Variants in CUX2 observed in about 807,000 individuals in gnomAD.
The protein encoded by CUX2 is cut like homeobox 2, also known as homeobox protein cut-like 2.
CUX2 carries 40 observed loss-of-function variants against 144.8 expected under a neutral mutation model. The ratio of observed to expected loss-of-function variants is 0.28; its 90% CI spans 0.21 to 0.36. CUX2 has a LOEUF of 0.36. Among genes scored for constraint, CUX2 ranks in the 10% least tolerant of loss-of-function variants. CUX2 has a pLI of 1.00. For synonymous variants in CUX2, 827 were observed against 875.6 expected (o/e 0.94, Z 0.98); for missense variants, 1,615 against 1,994.0 (o/e 0.81, Z 3.62).
intron 1 of CUX2, among the ~76,000 whole-genome samples, chr12:111,080,060 C>T (rs561164502): frequency 6.6e-5 from 10 of 152,296 alleles, no homozygotes; most frequent in Non-Finnish European, 1.0e-4. Context: ...ATCTGTAAAA[C>T]GGGGATGATG....
chr12:111,299,607 C>T (rs111228424), intron 9 of CUX2, among the ~76,000 whole-genome samples: 3 of 152,296 alleles, frequency 2.0e-5, no homozygotes, highest in African/African-American at 4.8e-5. Context: ...TGGTGGTAAC[C>T]GCAGTGGCTT....
At chr12:111,204,403 C>T (rs1880789022) in intron 1 of CUX2, among the ~76,000 whole-genome samples, 1 of 152,190 alleles carries the variant, frequency 6.6e-6, no homozygotes, top group African/African-American at 2.4e-5. Flanking sequence ...CCTGGTAACA[C>T]TGTAGGCACA....
At chr12:111,067,716 A>C (rs1319739110) in intron 1 of CUX2, among the ~76,000 whole-genome samples, 1 of 152,198 alleles carries the variant, frequency 6.6e-6, no homozygotes, top group Non-Finnish European at 1.5e-5. Context: ...CCTGGTGTTG[A>C]TAGGCGGGTC....
chr12:111,286,329 T>C (rs1003720544), intron 4 of CUX2, among the ~76,000 whole-genome samples: 2 of 152,114 alleles, frequency 1.3e-5, no homozygotes, highest in Non-Finnish European at 2.9e-5. Context: ...ATTTTACAGA[T>C]GAGGAAACAG....
chr12:111,288,477 CTT>C (rs964144808), intron 4 of CUX2, among the ~76,000 whole-genome samples: 5 of 151,984 alleles, frequency 3.3e-5, no homozygotes, highest in African/African-American at 1.2e-4. Context: ...GGTCCACACT[CTT>C]GATCCCTCTG....
Position 111,094,552 on chromosome 12 carries a change from C to T in CUX2, c.63+60312C>T, listed in dbSNP as rs146960416. ...CTTGCTCGGTTGCCCAGGCTAAGAG[C>T]AGTGGTGCAGTCCCAGCTCACTGCA... is the stretch of plus-strand genomic sequence containing the variant. On this transcript the variant is annotated intron_variant, in intron 1 of 21. Transcript: ENST00000261726. 9.2e-5 allele frequency among the ~76,000 whole-genome samples: 14 copies of T among 152,310 alleles called. No individual in the cohort carries two copies. The East Asian group carries it at 2.5e-3, about 27-fold the overall frequency.
intron 3 of CUX2, among the ~76,000 whole-genome samples, chr12:111,250,539 GT>G (rs1409100463): frequency 1.3e-5 from 2 of 152,218 alleles, no homozygotes; most frequent in Non-Finnish European, 2.9e-5. Flanking sequence ...ATTATAATCA[GT>G]TAGGCAGAAA....
rs974592105 is a variant in CUX2, at chr12:111,037,783, T to C, written c.63+3543T>C. Among the ~76,000 whole-genome samples the C allele has an allele frequency of 6.8e-6, 1 of 146,726 alleles. No individual in the cohort carries two copies. Among genetic ancestry groups the C allele is most frequent in the Non-Finnish European group, 1.5e-5 (1 of 66,082 alleles). On this transcript the variant is annotated intron_variant, in intron 1 of 21. Coordinates refer to ENST00000261726, the MANE Select transcript of CUX2 (RefSeq NM_015267.4). The surrounding 1 kb of genome is among the most constrained non-coding windows in gnomAD (Gnocchi z 5.4). ...TTTCTTTTTCTGCTTAACTTTCTAC[T>C]TTTTTTTTTTACCATGCTCTGGGTC...
rs1339577743 is a variant in CUX2, at chr12:111,287,359, G to T, written c.302-4059G>T. Among the ~76,000 whole-genome samples the T allele has an allele frequency of 6.6e-6, 1 of 152,354 alleles. No homozygotes were observed. The highest frequency in any genetic ancestry group is 1.9e-4 in the East Asian group (1 of 5,190). ...GGCCCTGCGCAGTCCGCGTGGCACC[G>T]CACCGTCTTGTGTTTGTCTAACTTC... is the stretch of plus-strand genomic sequence containing the variant. On this transcript the variant is annotated intron_variant, in intron 4 of 21. Transcript: ENST00000261726. This position sits in a 1 kb window ranked among gnomAD's most constrained non-coding sequence, Gnocchi z 4.2.
At chr12:111,123,111 G>C (rs2136099133) in intron 1 of CUX2, among the ~76,000 whole-genome samples, 1 of 152,310 alleles carries the variant, frequency 6.6e-6, no homozygotes, top group East Asian at 1.9e-4. Flanking sequence ...ACCCAGTCCT[G>C]AAGGGACTCA....
chr12:111,072,695 T>C (rs979558992), intron 1 of CUX2, among the ~76,000 whole-genome samples: 11 of 152,360 alleles, frequency 7.2e-5, no homozygotes, highest in African/African-American at 2.6e-4. Context: ...ATAAAATACC[T>C]GATTACTGGC....
chr12:111,144,919 G>A (rs1876564219), intron 1 of CUX2, among the ~76,000 whole-genome samples: 1 of 152,124 alleles, frequency 6.6e-6, no homozygotes, highest in Admixed American at 6.5e-5. Context: ...GGGCTCTCTG[G>A]TCATACCTTT....
intron 2 of CUX2, among the ~76,000 whole-genome samples, chr12:111,217,544 G>T (rs1303247854): frequency 6.6e-6 from 1 of 152,164 alleles, no homozygotes; most frequent in Admixed American, 6.5e-5. Context: ...GTGTGACCTG[G>T]GATGGACCAC....
chr12:111,282,625 TAAAAAAA>T (rs3061123), intron 4 of CUX2, among the ~76,000 whole-genome samples: 39 of 105,034 alleles, frequency 3.7e-4, no homozygotes, highest in East Asian at 3.6e-3. Context: ...AAACTCCATC[TAAAAAAA>T]AAAAAAAAAA....
chr12:111,062,513 A>T (rs534328111), intron 1 of CUX2, among the ~76,000 whole-genome samples: 1 of 152,324 alleles, frequency 6.6e-6, no homozygotes, highest in African/African-American at 2.4e-5. Context: ...CATCCATTCA[A>T]CAAGTATTTA....
chr12:111,326,220 G>T (rs866380165), intron 18 of CUX2, among the ~76,000 whole-genome samples: 1 of 24,042 alleles, frequency 4.2e-5, no homozygotes, highest in African/African-American at 2.9e-4. Context: ...GGGGAGGGGT[G>T]GGTTTTGTTT....
intron 1 of CUX2, among the ~76,000 whole-genome samples, chr12:111,094,319 G>A (rs1464274281): frequency 1.3e-5 from 2 of 152,190 alleles, no homozygotes; most frequent in African/African-American, 2.4e-5. Context: ...TCATTGTGGC[G>A]GAAGGGCCCG....
intron 1 of CUX2, among the ~76,000 whole-genome samples, chr12:111,149,565 C>T (rs1184324253): frequency 6.6e-6 from 1 of 152,074 alleles, no homozygotes; most frequent in Non-Finnish European, 1.5e-5. Flanking sequence ...ACCAAATGTC[C>T]CCTGGGAGGC....
intron 17 of CUX2, among the ~76,000 whole-genome samples, chr12:111,321,327 C>T (rs1003549869): frequency 3.9e-5 from 6 of 152,064 alleles, no homozygotes; most frequent in East Asian, 3.9e-4. Flanking sequence ...ATTAGCTGGG[C>T]TTGGTGTCCT....
Sources: gnomAD v4.1 joint callset for allele counts (sites outside exome capture counted in the v4.1 genomes callset) on GRCh38, gnomAD v4.1.1 for gene constraint, Gnocchi (gnomAD v3.1) non-coding constraint, MANE v1.5 for transcripts, NCBI Gene and HGNC (gene_info 2026-07-23, HGNC 2026-07-21) for gene names.